Variants in PKHD1L1 observed in about 807,000 individuals in gnomAD.
The protein encoded by PKHD1L1 is PKHD1 like 1.
Under a neutral mutation model 462.9 loss-of-function variants are expected in PKHD1L1, and 434 were observed. The observed-to-expected ratio is 0.94, with a 90% confidence interval of 0.87 to 1.02. The LOEUF (loss-of-function observed/expected upper bound fraction) is 1.02. PKHD1L1 is among the 50% of genes least tolerant of loss of function. PKHD1L1 has a pLI of 0.00. For missense variants in PKHD1L1, 5,202 were observed against 5,096.1 expected (o/e 1.02, Z -0.63); for synonymous variants, 1,781 against 1,750.0 (o/e 1.02, Z -0.44).
rs1243642125 is a variant in PKHD1L1 at position 109,465,107 on chromosome 8, A to G, written c.8275A>G (p.Ile2759Val). 6.2e-7 allele frequency: 1 copy of G among 1,613,824 alleles called. No individual in the cohort carries two copies. The highest frequency in any genetic ancestry group is 8.5e-7 in the Non-Finnish European group (1 of 1,179,794). Residue 2759 changes from isoleucine to valine, a missense_variant, in exon 49 of 78, where the codon ATC becomes GTC. Physicochemically the swap from Ile to Val is conservative, Grantham distance 29 (BLOSUM62 3). Transcript: ENST00000378402. ...CTGTGTAGCTTTGGGAGTGACATCC[A>G]TCTCTGGAGTTTGTAATGACAGATG... ...PNCVALGVTSISGVCNDRCGG... is the reference protein window; with the variant it reads ...PNCVALGVTSVSGVCNDRCGG...
intron 41 of PKHD1L1, among the ~76,000 whole-genome samples, 180 bp from the exon 42 acceptor site, chr8:109,451,944 T>C (rs1025550331): frequency 6.6e-6 from 1 of 151,900 alleles, no homozygotes; most frequent in African/African-American, 2.4e-5. Context: ...CTTTGTTTAC[T>C]TTTTTTCAAT....
chr8:109,441,124 A>G, intron 33 of PKHD1L1, 151 bp from the exon 34 acceptor site: 4 of 651,110 alleles, frequency 6.1e-6, no homozygotes, highest in African/African-American at 1.9e-5. Flanking sequence ...GATTACTATC[A>G]GAAAAGAAGT....
intron 10 of PKHD1L1, among the ~76,000 whole-genome samples, chr8:109,395,060 G>A (rs1178938982): frequency 6.6e-6 from 1 of 152,188 alleles, no homozygotes; most frequent in African/African-American, 2.4e-5. Context: ...GTGCTGCTCA[G>A]CATCGGGAGA....
intron 71 of PKHD1L1, among the ~76,000 whole-genome samples, chr8:109,512,015 G>A (rs1381386200): frequency 6.6e-6 from 1 of 152,006 alleles, no homozygotes; most frequent in African/African-American, 2.4e-5. Context: ...GTCTGTTCAT[G>A]TCCTTTGCCC....
chr8:109,415,865 GT>G (rs1176597137), intron 21 of PKHD1L1, among the ~76,000 whole-genome samples: 7 of 34,774 alleles, frequency 2.0e-4, no homozygotes, highest in Admixed American at 3.2e-4. Flanking sequence ...AAAAAAAGGG[GT>G]GTGTGTGTGT....
chr8:109,363,314 A>C lies in PKHD1L1; in HGVS notation c.73+661A>C, dbSNP rs72684712. On this transcript the variant is annotated intron_variant, in intron 1 of 77. Coordinates refer to ENST00000378402, the MANE Select transcript of PKHD1L1 (RefSeq NM_177531.6). ...TGCCCTGAGATATGAATGTGCGGGA[A>C]TAAGAACACCTTGGAGCTCTTGGCA... Among the ~76,000 whole-genome samples, 829 of 152,052 alleles carry C rather than the reference A, an allele frequency of 5.5e-3. 7 individuals are homozygous for C. Among genetic ancestry groups the C allele is most frequent in the Middle Eastern group, 0.034 (10 of 294 alleles).
intron 54 of PKHD1L1, 87 bp downstream of exon 54, chr8:109,479,726 C>A: frequency 9.9e-7 from 1 of 1,009,434 alleles, no homozygotes. Flanking sequence ...TTTATCAGCA[C>A]ACCTTTCCAA....
chr8:109,384,567 T>C (rs1472442337), intron 5 of PKHD1L1, among the ~76,000 whole-genome samples: 1 of 152,038 alleles, frequency 6.6e-6, no homozygotes, highest in Non-Finnish European at 1.5e-5. Context: ...AAAAAATTGA[T>C]TTTCAATGGC....
chr8:109,391,284 C>G (rs1000420264), intron 9 of PKHD1L1, among the ~76,000 whole-genome samples: 1 of 152,162 alleles, frequency 6.6e-6, no homozygotes, highest in Non-Finnish European at 1.5e-5. Context: ...TAGTAGGAAG[C>G]AGCATTAGTG....
intron 28 of PKHD1L1, among the ~76,000 whole-genome samples, chr8:109,434,464 G>T (rs1283776620): frequency 2.0e-5 from 3 of 150,626 alleles, no homozygotes; most frequent in Non-Finnish European, 4.4e-5. Flanking sequence ...GTTTTGTTTT[G>T]GTTTCTGTGT....
intron 18 of PKHD1L1, among the ~76,000 whole-genome samples, chr8:109,409,471 G>C (rs897197327): frequency 6.6e-6 from 1 of 151,772 alleles, no homozygotes; most frequent in African/African-American, 2.4e-5. Flanking sequence ...ATCCATTGGC[G>C]TGTATAGTTT....
rs1175174650 is a variant in PKHD1L1, at chr8:109,536,079, C to T, written c.*5989C>T. On this transcript the variant is annotated 3_prime_UTR_variant, in exon 78 of 78. Transcript: ENST00000378402. ...GTTAATATATTGCTAGTAGACATGT[C>T]TACTTCTGGTTGCTGATGACATAAA... 6.6e-6 allele frequency among the ~76,000 whole-genome samples: 1 copy of T among 152,136 alleles called. No homozygotes were observed. Among genetic ancestry groups the T allele is most frequent in the Non-Finnish European group, 1.5e-5 (1 of 68,024 alleles).
intron 50 of PKHD1L1, among the ~76,000 whole-genome samples, chr8:109,473,712 G>T (rs890527154): frequency 6.6e-6 from 1 of 151,952 alleles, no homozygotes; most frequent in African/African-American, 2.4e-5. Flanking sequence ...TTATTCTTAG[G>T]TGTCCACAGG....
chr8:109,508,522 G>A (rs957172015), intron 70 of PKHD1L1, among the ~76,000 whole-genome samples: 7 of 151,990 alleles, frequency 4.6e-5, no homozygotes, highest in African/African-American at 1.4e-4. Flanking sequence ...AGGAGAGCAA[G>A]AAGTAGGGGA....
intron 50 of PKHD1L1, among the ~76,000 whole-genome samples, chr8:109,471,669 G>A (rs1029429411): frequency 6.6e-6 from 1 of 152,122 alleles, no homozygotes; most frequent in Admixed American, 6.6e-5. Flanking sequence ...TTCACAAAAT[G>A]CGCTTCTATT....
chr8:109,479,588 G>A lies in PKHD1L1; in HGVS notation c.9127G>A (p.Glu3043Lys), dbSNP rs1230701541. 6.5e-7 allele frequency: 1 copy of A among 1,537,768 alleles called. No homozygotes were observed. The highest frequency in any genetic ancestry group is 1.8e-5 in the Admixed American group (1 of 56,852). The change falls in exon 54 of 78, where the codon GAA becomes AAA. Residue 3043 changes from glutamate (E) to lysine (K), a missense_variant. This residue lies in a region of PKHD1L1 where 4,497 missense variants were observed against 4,336.8 expected (regional missense o/e 1.04). Transcript: ENST00000378402. ...SNDSFWQSSR[E>K]NNYTVPHPGA... ...TGATTCTTTTTGGCAATCATCACGA[G>A]AAAATAATTATACTGTACCTCACCC...
Position 109,486,629 on chromosome 8 carries a change from A to G in PKHD1L1, c.9707-19A>G. The G allele has an allele frequency of 6.2e-7, 1 of 1,604,962 alleles. No individual in the cohort carries two copies. On this transcript the variant is annotated intron_variant, in intron 58 of 77. Transcript: ENST00000378402. ...TACTTCTCAGCATTGGCAATAATCTAGCTGCCTTTATACTGCAGCTGAAAA... is the reference window on the plus strand; with the variant it reads ...TACTTCTCAGCATTGGCAATAATCTGGCTGCCTTTATACTGCAGCTGAAAA...
rs1373186324 is a variant in PKHD1L1, at chr8:109,459,697, T to TA, written c.7108dup (p.Thr2370AsnfsTer6). On this transcript the variant is annotated frameshift_variant, in exon 47 of 78. Transcript: ENST00000378402. LOFTEE classifies it high-confidence loss of function. ...CACTAAATTACACACACTTAGGAAT[T>TA]ACGGTCACACTCCCTGATGGAACTC... 1.2e-6 allele frequency: 2 copies of TA among 1,611,902 alleles called. No homozygotes were observed. Among genetic ancestry groups the TA allele is most frequent in the East Asian group, 2.2e-5 (1 of 44,738 alleles).
chr8:109,463,866 T>C (rs1204614871), intron 48 of PKHD1L1, among the ~76,000 whole-genome samples: 1 of 152,156 alleles, frequency 6.6e-6, no homozygotes, highest in Non-Finnish European at 1.5e-5. Context: ...AAGAAATGTT[T>C]CTTGTTATTA....
Sources: allele counts gnomAD v4.1 joint callset (sites outside exome capture counted in the v4.1 genomes callset), GRCh38; gene constraint gnomAD v4.1.1; regional missense constraint gnomAD v4.1.1; transcripts MANE v1.5; gene names NCBI Gene and HGNC (gene_info 2026-07-23, HGNC 2026-07-21).